Variants in PRKDC observed in about 807,000 individuals in gnomAD.
The protein encoded by PRKDC is protein kinase, DNA-activated, catalytic subunit.
Under a neutral mutation model 486.9 loss-of-function variants are expected in PRKDC, and 82 were observed. The observed-to-expected ratio is 0.17, with a 90% CI of 0.14 to 0.20. The LOEUF (loss-of-function observed/expected upper bound fraction) is 0.20, where lower values mean the gene tolerates loss of function less well. PRKDC is among the 10% of genes least tolerant of loss of function. The pLI is 1.00. For synonymous variants in PRKDC, 1,895 were observed against 1,837.0 expected (o/e 1.03, Z -0.81); for missense variants, 4,504 against 5,038.2 (o/e 0.89, Z 3.21).
At chr8:47,838,672 G>A (rs766715943) in intron 56 of PRKDC, among the ~76,000 whole-genome samples, 1 of 152,162 alleles carries the variant, frequency 6.6e-6, no homozygotes, top group Non-Finnish European at 1.5e-5. Flanking sequence ...TATTTGGTAA[G>A]AAACACATAT....
intron 66 of PRKDC, 66 bp from the exon 67 acceptor site, chr8:47,819,576 A>G: frequency 1.1e-6 from 1 of 874,000 alleles, no homozygotes. Flanking sequence ...TCAAGCTGTG[A>G]CTTTAAGTTT....
At chr8:47,907,160 C>G (rs918899605) in intron 25 of PRKDC, among the ~76,000 whole-genome samples, 23 of 151,140 alleles carry the variant, frequency 1.5e-4, no homozygotes, top group Admixed American at 1.2e-3. Context: ...CCTGCCTCAG[C>G]CTCCCGAGTA....
chr8:47,957,606 G>T (rs2090727943), intron 1 of PRKDC, among the ~76,000 whole-genome samples, 175 bp from the exon 2 acceptor site: 1 of 144,436 alleles, frequency 6.9e-6, no homozygotes. Flanking sequence ...CGCCTCCCGG[G>T]TTCACGCCAT....
At chr8:47,924,455 G>A (rs1392547428) in intron 21 of PRKDC, among the ~76,000 whole-genome samples, 2 of 152,216 alleles carry the variant, frequency 1.3e-5, no homozygotes, top group East Asian at 3.9e-4. Flanking sequence ...AACTACTTGG[G>A]AGGCTGAGGT....
rs371177523 is a variant in PRKDC, at chr8:47,888,609, G to C, written c.4322C>G (p.Ala1441Gly). Reference protein sequence around the residue: ...LCAVNLYGPDAQVDRSRLAAV... With the variant: ...LCAVNLYGPDGQVDRSRLAAV... ...AGCCAGCCTGCTCCTGTCCACTTGCGCGTCAGGGCCATACAAGTTGACGGC... is the reference window on the plus strand; with the variant it reads ...AGCCAGCCTGCTCCTGTCCACTTGCCCGTCAGGGCCATACAAGTTGACGGC... The change falls in exon 34 of 86, where the codon GCG (alanine) becomes GGG (glycine). Residue 1441 changes from alanine (A) to glycine (G), a missense_variant. By Grantham distance (60) the Ala-to-Gly change is moderately conservative. Coordinates refer to ENST00000314191, the MANE Select transcript of PRKDC (RefSeq NM_006904.7). 1.9e-6 allele frequency: 3 copies of C among 1,593,744 alleles called. No homozygotes were observed. Among genetic ancestry groups the C allele is most frequent in the South Asian group, 2.3e-5 (2 of 87,266 alleles).
chr8:47,854,293 AT>A, intron 50 of PRKDC, 79 bp from the exon 51 acceptor site: 2 of 1,522,498 alleles, frequency 1.3e-6, no homozygotes, highest in Non-Finnish European at 1.8e-6. Flanking sequence ...ACAGAATTTT[AT>A]TTTTTTGAGA....
intron 7 of PRKDC, among the ~76,000 whole-genome samples, chr8:47,948,455 G>A (rs1296068787): frequency 6.9e-6 from 1 of 143,968 alleles, no homozygotes; most frequent in Non-Finnish European, 1.5e-5. Flanking sequence ...TTTCCTGGGT[G>A]CCTTGTTTTT....
At chr8:47,918,872 G>A (rs1409085557) in intron 21 of PRKDC, among the ~76,000 whole-genome samples, 1 of 152,170 alleles carries the variant, frequency 6.6e-6, no homozygotes, top group Non-Finnish European at 1.5e-5. Context: ...ACCTGATTCA[G>A]AAGAATAGTC....
At chr8:47,855,651 T>C (rs1409239164) in intron 49 of PRKDC, among the ~76,000 whole-genome samples, 1 of 152,210 alleles carries the variant, frequency 6.6e-6, no homozygotes, top group East Asian at 1.9e-4. Context: ...GGAGCCTCCA[T>C]GCCTAGGACT....
At chr8:47,799,711 C>A (rs937610922) in intron 71 of PRKDC, among the ~76,000 whole-genome samples, 2 of 152,138 alleles carry the variant, frequency 1.3e-5, no homozygotes, top group Non-Finnish European at 2.9e-5. Flanking sequence ...TCGGCTCCTG[C>A]ACTCAGTGTC....
chr8:47,796,513 TATTGTGACC>T (rs1428047477), intron 73 of PRKDC, among the ~76,000 whole-genome samples: 1 of 152,196 alleles, frequency 6.6e-6, no homozygotes, highest in African/African-American at 2.4e-5. Context: ...TCTACTGGTC[TATTGTGACC>T]ATTTATTTTG....
At position 47,860,982 on chromosome 8, in the gene PRKDC, G is replaced by A; in HGVS notation, c.5986-11C>T. On this transcript the variant is annotated splice_polypyrimidine_tract_variant and intron_variant, in intron 44 of 85. Transcript: ENST00000314191. ...TCTTTCCATAGGAACCTATTGGGAA[G>A]AACAAATAAACAATGTAAAACATTT... The A allele has an allele frequency of 1.3e-6, 2 of 1,554,900 alleles. No individual in the cohort carries two copies. Among genetic ancestry groups the A allele is most frequent in the East Asian group, 2.3e-5 (1 of 43,872 alleles).
chr8:47,896,168 TATAAA>T (rs1294248852), intron 30 of PRKDC, among the ~76,000 whole-genome samples: 1 of 151,970 alleles, frequency 6.6e-6, no homozygotes, highest in Non-Finnish European at 1.5e-5. Flanking sequence ...ATATAGCATA[TATAAA>T]ATAATCTAAT....
At chr8:47,786,624 A>T (rs1294269160) in intron 76 of PRKDC, among the ~76,000 whole-genome samples, 1 of 152,042 alleles carries the variant, frequency 6.6e-6, no homozygotes, top group Non-Finnish European at 1.5e-5. Context: ...ATAATTTCTG[A>T]TACCAGCTGA....
At chr8:47,907,183 G>A (rs984500315) in intron 25 of PRKDC, among the ~76,000 whole-genome samples, 2 of 151,078 alleles carry the variant, frequency 1.3e-5, no homozygotes, top group African/African-American at 4.8e-5. Context: ...TGGGACTACA[G>A]GCACCCGCCA....
At chr8:47,777,058 G>T in intron 84 of PRKDC, 75 bp from the exon 85 acceptor site, 2 of 1,503,364 alleles carry the variant, frequency 1.3e-6, no homozygotes, top group Non-Finnish European at 8.9e-7. Context: ...ATTAAATCTA[G>T]TAATGATCTT....
At chr8:47,910,351 A>G (rs778227378) in intron 25 of PRKDC, among the ~76,000 whole-genome samples, 7 of 152,206 alleles carry the variant, frequency 4.6e-5, no homozygotes, top group Non-Finnish European at 5.9e-5. Flanking sequence ...TTTCCTTAAC[A>G]TCTTAACGAA....
chr8:47,943,222 G>A lies in PRKDC; in HGVS notation c.953C>T (p.Ser318Phe). 6.2e-7 allele frequency: 1 copy of A among 1,612,172 alleles called. No homozygotes were observed. The highest frequency in any genetic ancestry group is 8.5e-7 in the Non-Finnish European group (1 of 1,179,450). Reference sequence around the variant, plus strand: ...AATTTGTGGTACCTGTTTCAGAAAGGATTCCAGGGCTGAAAGTGCAGCTTT... The same window carrying A: ...AATTTGTGGTACCTGTTTCAGAAAGAATTCCAGGGCTGAAAGTGCAGCTTT... ...LKKAALSALE[S>F]FLKQVSNMVA... The change falls in exon 10 of 86, where the codon TCC becomes TTC. Residue 318 changes from serine to phenylalanine, a missense_variant. Physicochemically the swap from Ser to Phe is radical, Grantham distance 155 (BLOSUM62 -2). Coordinates refer to ENST00000314191, the MANE Select transcript of PRKDC (RefSeq NM_006904.7).
Position 47,927,838 on chromosome 8 carries a change from G to C in PRKDC, c.2192C>G (p.Thr731Ser). ...YKDELLASCL[T>S]FLLSLPHNII... ...GTTGTGTGGCAAGGACAGAAGAAAG[G>C]TCAAACAAGAGGCCAAAAGTTCATC... Residue 731 changes from threonine (T) to serine (S), a missense_variant, in exon 20 of 86, where the codon ACC becomes AGC. By Grantham distance (58) the Thr-to-Ser change is moderately conservative (BLOSUM62 1). This residue lies in a region of PRKDC where 1,969 missense variants were observed against 2,068.9 expected (regional missense o/e 0.95). Coordinates refer to ENST00000314191, the MANE Select transcript of PRKDC (RefSeq NM_006904.7). The C allele has an allele frequency of 6.3e-7, 1 of 1,596,534 alleles. No homozygotes were observed. The highest frequency in any genetic ancestry group is 8.5e-7 in the Non-Finnish European group (1 of 1,172,692).
Sources: gnomAD v4.1 joint callset for allele counts (sites outside exome capture counted in the v4.1 genomes callset) on GRCh38, gnomAD v4.1.1 for gene constraint, gnomAD v4.1.1 regional missense constraint, MANE v1.5 for transcripts, NCBI Gene and HGNC (gene_info 2026-07-23, HGNC 2026-07-21) for gene names.